Variants in NPAS2 observed in about 807,000 individuals in gnomAD.
NPAS2 encodes neuronal PAS domain protein 2.
A neutral mutation model predicts 107.5 loss-of-function variants in NPAS2; 23 were observed. That is an observed-to-expected ratio of 0.21 (90% CI 0.15 to 0.30). The LOEUF (loss-of-function observed/expected upper bound fraction) is 0.30. Ranked by LOEUF, NPAS2 falls within the 10% of genes least tolerant of loss-of-function variation. The pLI is 1.00. For synonymous variants in NPAS2, 403 were observed against 417.5 expected, an observed-to-expected ratio of 0.97 and a Z score of 0.42; for missense variants, 756 against 1,043.3, an observed-to-expected ratio of 0.72 and a Z score of 3.79.
chr2:100,985,056 A>C (rs1224874570), intron 16 of NPAS2: 1 of 152,224 alleles, frequency 6.6e-6, no homozygotes, highest in Non-Finnish European at 1.5e-5. Context: ...TGGCTGCTCA[A>C]AGGAATGCCT....
chr2:100,873,267 A>G (rs1486699511), intron 1 of NPAS2, among the ~76,000 whole-genome samples: 2 of 111,366 alleles, frequency 1.8e-5, no homozygotes, highest in Non-Finnish European at 3.3e-5. Flanking sequence ...AAAAAAAAAA[A>G]AAAAATACAT....
At chr2:100,990,496 A>G in intron 18 of NPAS2, 50 bp downstream of exon 18, 4 of 1,574,478 alleles carry the variant, frequency 2.5e-6, no homozygotes, top group Non-Finnish European at 2.6e-6. Flanking sequence ...ATTTTACCCC[A>G]TTCATTTCAG....
intron 7 of NPAS2, among the ~76,000 whole-genome samples, chr2:100,959,486 C>T (rs1292593975): frequency 6.6e-6 from 1 of 152,174 alleles, no homozygotes; most frequent in Non-Finnish European, 1.5e-5. Context: ...CTATTCAGAA[C>T]ACATTGGGTC....
chr2:100,911,182 T>G (rs1327222525), intron 2 of NPAS2, among the ~76,000 whole-genome samples: 3 of 152,168 alleles, frequency 2.0e-5, no homozygotes, highest in Non-Finnish European at 4.4e-5. Context: ...CATACAATCC[T>G]GCATTTAAAA....
chr2:100,930,500 A>G (rs1366976369), intron 3 of NPAS2, among the ~76,000 whole-genome samples: 1 of 152,196 alleles, frequency 6.6e-6, no homozygotes, highest in Non-Finnish European at 1.5e-5. Flanking sequence ...ATGTTTTCCT[A>G]CAAAAATGGC....
Position 100,964,318 on chromosome 2 carries a change from G to A in NPAS2, c.717+142G>A, listed in dbSNP as rs867863651. On this transcript the variant is annotated intron_variant, in intron 8 of 20. Transcript: ENST00000335681. ...TTGAAAATCGAAGTGTCTGGCTTCT[G>A]TGCCTGCACACACGCCCTTTCCCCT... The A allele has an allele frequency of 5.7e-5, 40 of 707,492 alleles. No homozygotes were observed. In the Middle Eastern group the frequency reaches 5.0e-3, roughly 88 times the overall value. The allele number at this position is 707,492 out of a possible 1,614,324, so 43.8% of individuals were successfully genotyped here. A position where few individuals can be genotyped will look rare whatever the true frequency, so the allele number is the denominator to read the frequency against.
rs1684425305 is a variant in NPAS2, at chr2:100,937,805, T to C, written c.326T>C (p.Val109Ala). 1 of 1,614,034 alleles carries C rather than the reference T, an allele frequency of 6.2e-7. No individual in the cohort carries two copies. The highest frequency in any genetic ancestry group is 1.3e-5 in the African/African-American group (1 of 74,916). The change falls in exon 5 of 21, where the codon GTC becomes GCC. Residue 109 changes from valine (V) to alanine (A), a missense_variant. Val to Ala is a moderately conservative substitution (Grantham distance 64). Transcript: ENST00000335681. ...ACAACAGACGGCAGCATCATCTATGTCTCTGACAGTATCACGCCTCTCCTT... is the reference window on the plus strand; with the variant it reads ...ACAACAGACGGCAGCATCATCTATGCCTCTGACAGTATCACGCCTCTCCTT... Reference protein sequence around the residue: ...AVTTDGSIIYVSDSITPLLGH... With the variant: ...AVTTDGSIIYASDSITPLLGH...
intron 5 of NPAS2, among the ~76,000 whole-genome samples, chr2:100,945,089 G>A (rs1160416017): frequency 2.6e-5 from 4 of 152,200 alleles, no homozygotes; most frequent in Non-Finnish European, 4.4e-5. Flanking sequence ...AGGAACATCC[G>A]AAGAAACTTG....
intron 7 of NPAS2, among the ~76,000 whole-genome samples, chr2:100,959,260 C>A (rs1028694968): frequency 1.4e-5 from 2 of 138,806 alleles, no homozygotes; most frequent in African/African-American, 5.8e-5. Context: ...AAGAAGGAGA[C>A]CCTGTCTCAA....
intron 2 of NPAS2, among the ~76,000 whole-genome samples, chr2:100,922,766 AG>A (rs1280947164): frequency 6.6e-6 from 1 of 152,168 alleles, no homozygotes; most frequent in Non-Finnish European, 1.5e-5. Flanking sequence ...GACAGCGACC[AG>A]TTTCCAGTGG....
intron 1 of NPAS2, among the ~76,000 whole-genome samples, chr2:100,833,417 T>G (rs1271506328): frequency 2.6e-5 from 4 of 152,254 alleles, no homozygotes; most frequent in Non-Finnish European, 5.9e-5. Flanking sequence ...CACACCCAGC[T>G]GGGTAAATGC....
intron 2 of NPAS2, among the ~76,000 whole-genome samples, chr2:100,921,121 C>A (rs17655330): frequency 0.16 from 24,352 of 152,210 alleles, 2,562 homozygotes; most frequent in Non-Finnish European, 0.23. Flanking sequence ...TAACAGATCC[C>A]GCCACAGTGA....
At chr2:100,913,326 C>A (rs1682669235) in intron 2 of NPAS2, among the ~76,000 whole-genome samples, 1 of 152,170 alleles carries the variant, frequency 6.6e-6, no homozygotes, top group South Asian at 2.1e-4. Context: ...GATTGGAAAG[C>A]ATTTAATTTA....
intron 7 of NPAS2, among the ~76,000 whole-genome samples, chr2:100,962,577 A>G (rs1202610856): frequency 6.6e-6 from 1 of 152,212 alleles, no homozygotes; most frequent in Non-Finnish European, 1.5e-5. Context: ...GAGTTTGTGA[A>G]TTAGCTGATC....
chr2:100,830,213 G>C (rs1676645617), intron 1 of NPAS2, among the ~76,000 whole-genome samples: 1 of 152,178 alleles, frequency 6.6e-6, no homozygotes. Flanking sequence ...AGACCACGAA[G>C]AAATGAGAAT....
intron 2 of NPAS2, among the ~76,000 whole-genome samples, chr2:100,905,865 C>A (rs1008956620): frequency 6.6e-6 from 1 of 152,202 alleles, no homozygotes; most frequent in African/African-American, 2.4e-5. Context: ...AGCTGTCGTT[C>A]CATGTCACCT....
rs765292891 is a variant in NPAS2 at position 100,966,585 on chromosome 2, CTT to C, written c.907+840_907+841del. Among the ~76,000 whole-genome samples, 193 of 120,302 alleles carry C rather than the reference CTT, an allele frequency of 1.6e-3. 1 individual carries two copies. The highest frequency in any genetic ancestry group is 5.6e-3 in the South Asian group (19 of 3,370). 78.9% of individuals were successfully genotyped at this position (120,302 alleles called of 152,430 possible). ...GCCTCACCTGTAGTACCCATTAGAACTTTTTTTTTTTTTTTTTTTTTTGAGAC... is the reference window on the plus strand; with the variant it reads ...GCCTCACCTGTAGTACCCATTAGAACTTTTTTTTTTTTTTTTTTTTGAGAC... On this transcript the variant is annotated intron_variant, in intron 10 of 20. Coordinates refer to ENST00000335681, the MANE Select transcript of NPAS2 (RefSeq NM_002518.4).
At chr2:100,863,347 G>T (rs1679057125) in intron 1 of NPAS2, among the ~76,000 whole-genome samples, 1 of 152,190 alleles carries the variant, frequency 6.6e-6, no homozygotes, top group Admixed American at 6.5e-5. Context: ...TTAGTTGGTT[G>T]GTTGGTTTGA....
intron 14 of NPAS2, 92 bp downstream of exon 14, chr2:100,975,659 A>G: frequency 2.2e-6 from 2 of 924,576 alleles, no homozygotes; most frequent in Non-Finnish European, 1.6e-6. Flanking sequence ...TCCCCAGAGA[A>G]TCCGTTTTAC....
Sources: allele counts gnomAD v4.1 joint callset (sites outside exome capture counted in the v4.1 genomes callset), GRCh38; gene constraint gnomAD v4.1.1; transcripts MANE v1.5; gene names NCBI Gene and HGNC (gene_info 2026-07-23, HGNC 2026-07-21).